Variants in MGAT3 observed in about 807,000 individuals in gnomAD.
The protein encoded by MGAT3 is beta-1,4-mannosyl-glycoprotein 4-beta-N-acetylglucosaminyltransferase.
In MGAT3, 9 loss-of-function variants were observed where a neutral mutation model predicts 29.8. The observed-to-expected ratio is 0.30, with a 90% CI of 0.18 to 0.53. The LOEUF (loss-of-function observed/expected upper bound fraction) is 0.53. Ranked by LOEUF, MGAT3 falls within the 20% of genes least tolerant of loss-of-function variation. MGAT3 has a pLI of 0.96. For missense variants in MGAT3, 557 were observed against 769.5 expected (o/e 0.72, Z 3.27); for synonymous variants, 397 against 348.9 (o/e 1.14, Z -1.54).
intron 1 of MGAT3, among the ~76,000 whole-genome samples, chr22:39,477,982 T>C (rs1274379822): frequency 6.6e-6 from 1 of 152,238 alleles, no homozygotes; most frequent in Non-Finnish European, 1.5e-5. Flanking sequence ...TGTTCGGATC[T>C]GGCCATTGTG....
intron 1 of MGAT3, among the ~76,000 whole-genome samples, chr22:39,460,967 G>A (rs764331781): frequency 3.9e-5 from 6 of 151,958 alleles, no homozygotes; most frequent in Admixed American, 6.5e-5. Flanking sequence ...TGTTGTTTAC[G>A]TGTCCCTGAT....
chr22:39,465,174 A>G (rs1011847668), intron 1 of MGAT3, among the ~76,000 whole-genome samples: 1 of 152,190 alleles, frequency 6.6e-6, no homozygotes, highest in Non-Finnish European at 1.5e-5. Flanking sequence ...CTGCTGAGAA[A>G]TGCTCTGAAC....
chr22:39,475,128 C>T (rs1928916432), intron 1 of MGAT3, among the ~76,000 whole-genome samples: 10 of 118,792 alleles, frequency 8.4e-5, no homozygotes, highest in African/African-American at 3.7e-4. Flanking sequence ...GCTTGCCAGG[C>T]TTTTTTTTTT....
chr22:39,486,114 A>G (rs1929263128), intron 1 of MGAT3: 2 of 410,766 alleles, frequency 4.9e-6, no homozygotes, highest in East Asian at 1.6e-4. Flanking sequence ...GAATAGAAAA[A>G]TTGCATATAA....
Position 39,489,852 on chromosome 22 carries a change from C to T in MGAT3, c.*903C>T, listed in dbSNP as rs1929404380. 1 of 167,386 alleles carries T rather than the reference C, an allele frequency of 6.0e-6. No individual in the cohort carries two copies. Among genetic ancestry groups the T allele is most frequent in the Non-Finnish European group, 1.5e-5 (1 of 68,210 alleles). 10.4% of individuals were successfully genotyped at this position (167,386 alleles called of 1,614,324 possible). On this transcript the variant is annotated 3_prime_UTR_variant, in exon 2 of 2. Coordinates refer to ENST00000341184, the MANE Select transcript of MGAT3 (RefSeq NM_002409.5). ...ATCCGTCTCTCCCTCCCCATCACCC[C>T]TTCCTTCTGACACCCAGTCCCAGCT...
At chr22:39,484,323 A>G (rs910744760) in intron 1 of MGAT3, among the ~76,000 whole-genome samples, 1 of 152,148 alleles carries the variant, frequency 6.6e-6, no homozygotes, top group African/African-American at 2.4e-5. Context: ...CATTTCACAG[A>G]TGGAGAAACT....
At chr22:39,484,062 G>T (rs1929202452) in intron 1 of MGAT3, among the ~76,000 whole-genome samples, 1 of 152,206 alleles carries the variant, frequency 6.6e-6, no homozygotes, top group Non-Finnish European at 1.5e-5. Context: ...CAGGAGCCCA[G>T]CTGCCCGGTT....
chr22:39,481,082 G>T (rs73885230), intron 1 of MGAT3, among the ~76,000 whole-genome samples: 12,949 of 152,214 alleles, frequency 0.085, 1,529 homozygotes, highest in African/African-American at 0.27. Flanking sequence ...GCCACACTTC[G>T]AACCATGCCT....
intron 1 of MGAT3, among the ~76,000 whole-genome samples, chr22:39,485,031 C>T (rs761715981): frequency 8.6e-5 from 13 of 151,808 alleles, no homozygotes; most frequent in East Asian, 1.9e-4. Context: ...AGAGCATGAC[C>T]CAGAGAAAGA....
intron 1 of MGAT3, among the ~76,000 whole-genome samples, chr22:39,462,736 C>T (rs1928532723): frequency 1.3e-5 from 2 of 152,230 alleles, no homozygotes; most frequent in Admixed American, 6.5e-5. Flanking sequence ...CGTACTTCTC[C>T]TTGGGCTGCC....
chr22:39,469,785 G>A (rs901189255), intron 1 of MGAT3, among the ~76,000 whole-genome samples: 2 of 152,238 alleles, frequency 1.3e-5, no homozygotes, highest in African/African-American at 4.8e-5. Flanking sequence ...TACTGAAGTG[G>A]CCCTTTGTAC....
At chr22:39,485,106 A>T (rs565167164) in intron 1 of MGAT3, among the ~76,000 whole-genome samples, 1 of 152,366 alleles carries the variant, frequency 6.6e-6, no homozygotes, top group Non-Finnish European at 1.5e-5. Flanking sequence ...ACAGTGCCAG[A>T]TGCCAAAGGC....
chr22:39,464,186 C>T (rs944000976), intron 1 of MGAT3, among the ~76,000 whole-genome samples: 2 of 152,204 alleles, frequency 1.3e-5, no homozygotes, highest in African/African-American at 4.8e-5. Context: ...AAGCAAGTCC[C>T]AGGCAGGGCA....
At chr22:39,471,263 G>T (rs1928801822) in intron 1 of MGAT3, among the ~76,000 whole-genome samples, 1 of 152,164 alleles carries the variant, frequency 6.6e-6, no homozygotes, top group Non-Finnish European at 1.5e-5. Flanking sequence ...AAGGCTGAGT[G>T]GGCTGGGAGG....
In MGAT3 at chr22:39,488,713, C is replaced by T. The variant is rs1929362084; in HGVS notation, c.1366C>T (p.Arg456Cys). The T allele has an allele frequency of 6.2e-7, 1 of 1,613,696 alleles. No individual in the cohort carries two copies. The highest frequency in any genetic ancestry group is 1.7e-5 in the Admixed American group (1 of 59,992). Residue 456 changes from arginine to cysteine, a missense_variant, in exon 2 of 2, where the codon CGC becomes TGC. By Grantham distance (180) the Arg-to-Cys change is radical. This residue lies in a region of MGAT3 where 243 missense variants were observed against 444.0 expected (regional missense o/e 0.55). Transcript: ENST00000341184. ...GGACAAGCGGGACCTGAACTACATC[C>T]GCGGCCTGATCCGCACCGGGGGCTG... ...YEDKRDLNYI[R>C]GLIRTGGWFD...
chr22:39,460,406 G>T (rs968879325), intron 1 of MGAT3, among the ~76,000 whole-genome samples: 25 of 152,190 alleles, frequency 1.6e-4, no homozygotes, highest in Non-Finnish European at 3.5e-4. Flanking sequence ...AGGGATTCCA[G>T]ATCTAGTGGC....
At chr22:39,469,451 C>G (rs1323967547) in intron 1 of MGAT3, among the ~76,000 whole-genome samples, 5 of 152,202 alleles carry the variant, frequency 3.3e-5, no homozygotes, top group Admixed American at 6.5e-5. Flanking sequence ...CTGTCCCTCA[C>G]TCCGTCTGGC....
In MGAT3 at chr22:39,457,159, G is replaced by A. The variant is rs1035518066; in HGVS notation, c.-400G>A. Among the ~76,000 whole-genome samples, 5 of 145,768 alleles carry A rather than the reference G, an allele frequency of 3.4e-5. No homozygotes were observed. Among genetic ancestry groups the A allele is most frequent in the African/African-American group, 4.9e-5 (2 of 40,676 alleles). On this transcript the variant is annotated 5_prime_UTR_variant, in exon 1 of 2. Coordinates refer to ENST00000341184, the MANE Select transcript of MGAT3 (RefSeq NM_002409.5). The surrounding 1 kb of genome is among the most constrained non-coding windows in gnomAD (Gnocchi z 6.8). ...CTGGCGGGGGAGGGGAGGGGGTTGCGGAGGGGGCGGGGTGGGGGCCGGAGC... is the reference window on the plus strand; with the variant it reads ...CTGGCGGGGGAGGGGAGGGGGTTGCAGAGGGGGCGGGGTGGGGGCCGGAGC...
chr22:39,486,264 C>A, intron 1 of MGAT3: 1 of 373,200 alleles, frequency 2.7e-6, no homozygotes, highest in South Asian at 1.9e-5. Flanking sequence ...TCTCCTGCCT[C>A]AGCCGGTATA....
Sources: allele counts gnomAD v4.1 joint callset (sites outside exome capture counted in the v4.1 genomes callset), GRCh38; gene constraint gnomAD v4.1.1; regional missense constraint gnomAD v4.1.1; non-coding constraint Gnocchi (gnomAD v3.1); transcripts MANE v1.5; gene names NCBI Gene and HGNC (gene_info 2026-07-23, HGNC 2026-07-21).